Variants in EXOC6B observed in about 807,000 individuals in gnomAD.
EXOC6B encodes the protein exocyst complex component 6B.
EXOC6B carries 54 observed loss-of-function variants against 113.5 expected under a neutral mutation model. That is an observed-to-expected ratio of 0.48 (90% confidence interval 0.38 to 0.60). The LOEUF (loss-of-function observed/expected upper bound fraction) is 0.60, where lower values mean the gene tolerates loss of function less well. Ranked by LOEUF, EXOC6B falls within the 20% of genes least tolerant of loss-of-function variation. EXOC6B has a pLI of 0.00. For missense variants in EXOC6B, 797 were observed against 977.5 expected (o/e 0.82, Z 2.46); for synonymous variants, 357 against 339.0 (o/e 1.05, Z -0.58).
chr2:72,694,549 T>C (rs1271820319), intron 6 of EXOC6B, among the ~76,000 whole-genome samples: 1 of 152,212 alleles, frequency 6.6e-6, no homozygotes, highest in Non-Finnish European at 1.5e-5. Flanking sequence ...ATATTTTTGG[T>C]CCAAGTTAGA....
chr2:72,319,090 A>G (rs1286313685), intron 20 of EXOC6B, among the ~76,000 whole-genome samples: 3 of 151,908 alleles, frequency 2.0e-5, no homozygotes, highest in African/African-American at 7.2e-5. Context: ...AATTCAGATT[A>G]AAAGGCTTTA....
At chr2:72,607,512 A>ATC (rs939199291) in intron 6 of EXOC6B, among the ~76,000 whole-genome samples, 1 of 152,066 alleles carries the variant, frequency 6.6e-6, no homozygotes, top group Non-Finnish European at 1.5e-5. Context: ...GTTTTGGAAA[A>ATC]TCTCTCTCTC....
chr2:72,516,395 G>A (rs529982540), intron 8 of EXOC6B, among the ~76,000 whole-genome samples: 8 of 152,022 alleles, frequency 5.3e-5, no homozygotes, highest in African/African-American at 1.4e-4. Flanking sequence ...CTACAGGTGT[G>A]CGCCACCATG....
chr2:72,607,639 T>C (rs1005513337), intron 6 of EXOC6B, among the ~76,000 whole-genome samples: 3 of 152,158 alleles, frequency 2.0e-5, no homozygotes, highest in Non-Finnish European at 4.4e-5. Context: ...CACTGATCTA[T>C]ACACAGAAAA....
intron 6 of EXOC6B, among the ~76,000 whole-genome samples, chr2:72,631,804 C>T (rs1266549847): frequency 6.6e-6 from 1 of 152,058 alleles, no homozygotes; most frequent in Non-Finnish European, 1.5e-5. Flanking sequence ...ACGCCTGGCC[C>T]ACCCCATCCA....
At chr2:72,643,175 C>T (rs1673397797) in intron 6 of EXOC6B, among the ~76,000 whole-genome samples, 1 of 151,992 alleles carries the variant, frequency 6.6e-6, no homozygotes, top group Non-Finnish European at 1.5e-5. Context: ...GGACTGTAAA[C>T]TAGTTCAACC....
At chr2:72,300,564 G>T (rs928605824) in intron 20 of EXOC6B, among the ~76,000 whole-genome samples, 3 of 152,162 alleles carry the variant, frequency 2.0e-5, no homozygotes, top group Non-Finnish European at 4.4e-5. Flanking sequence ...GGTGCCACTG[G>T]GGTATGGAAA....
At chr2:72,211,149 T>G (rs1573005114) in intron 20 of EXOC6B, among the ~76,000 whole-genome samples, 1 of 152,248 alleles carries the variant, frequency 6.6e-6, no homozygotes, top group Non-Finnish European at 1.5e-5. Flanking sequence ...GTAAGACTCA[T>G]TCCTCAGTGG....
chr2:72,618,269 T>C (rs1400831973), intron 6 of EXOC6B, among the ~76,000 whole-genome samples: 2 of 151,968 alleles, frequency 1.3e-5, no homozygotes, highest in African/African-American at 4.8e-5. Context: ...CTTGGGAGGC[T>C]GAGACAGGAG....
chr2:72,819,633 A>C (rs115387859), intron 1 of EXOC6B, among the ~76,000 whole-genome samples: 2,425 of 152,312 alleles, frequency 0.016, 82 homozygotes, highest in African/African-American at 0.056. Context: ...CAAAACTCAA[A>C]AAATAGAAAT....
At chr2:72,762,126 C>T (rs1382891468) in intron 1 of EXOC6B, among the ~76,000 whole-genome samples, 1 of 151,854 alleles carries the variant, frequency 6.6e-6, no homozygotes, top group African/African-American at 2.4e-5. Flanking sequence ...TGCCTGTAGT[C>T]CCAGCCACTT....
intron 1 of EXOC6B, among the ~76,000 whole-genome samples, chr2:72,745,545 T>C (rs1681641481): frequency 6.6e-6 from 1 of 152,172 alleles, no homozygotes. Context: ...CATAGGTATG[T>C]TTCAGGAAAT....
At chr2:72,617,516 T>TC (rs1202031871) in intron 6 of EXOC6B, among the ~76,000 whole-genome samples, 1 of 134,170 alleles carries the variant, frequency 7.5e-6, no homozygotes, top group African/African-American at 2.6e-5. Flanking sequence ...AAATCTTTTT[T>TC]CTTTTTTTTT....
rs547737269 is a variant in EXOC6B, at chr2:72,657,873, C to T, written c.669+60230G>A. 1.5e-4 allele frequency among the ~76,000 whole-genome samples: 23 copies of T among 151,414 alleles called. 2 individuals are homozygous for T. The highest frequency in any genetic ancestry group is 4.6e-4 in the African/African-American group (19 of 41,400). Reference sequence around the variant, plus strand: ...ACTACTTGACTTTAAAAGCTAATCACATAAAGAATCACAAAAACACACACT... The same window carrying T: ...ACTACTTGACTTTAAAAGCTAATCATATAAAGAATCACAAAAACACACACT... On this transcript the variant is annotated intron_variant, in intron 6 of 21. Coordinates refer to ENST00000272427, the MANE Select transcript of EXOC6B (RefSeq NM_015189.3).
intron 20 of EXOC6B, among the ~76,000 whole-genome samples, chr2:72,301,072 A>G (rs1007796659): frequency 1.3e-5 from 2 of 151,562 alleles, no homozygotes; most frequent in Admixed American, 1.3e-4. Context: ...AATTTTATCA[A>G]AAGCCTTTAC....
chr2:72,528,030 A>G (rs1431853950), intron 8 of EXOC6B, among the ~76,000 whole-genome samples: 2 of 152,010 alleles, frequency 1.3e-5, no homozygotes, highest in Admixed American at 1.3e-4. Flanking sequence ...CTGTAGAGTA[A>G]AAGTGTTTAA....
At chr2:72,432,986 T>C (rs191781568) in intron 18 of EXOC6B, among the ~76,000 whole-genome samples, 2 of 152,354 alleles carry the variant, frequency 1.3e-5, no homozygotes, top group African/African-American at 2.4e-5. Context: ...TCTTTGCCCA[T>C]GCCTATGTGC....
intron 19 of EXOC6B, among the ~76,000 whole-genome samples, chr2:72,344,208 C>T (rs1689185141): frequency 6.6e-6 from 1 of 152,078 alleles, no homozygotes; most frequent in African/African-American, 2.4e-5. Flanking sequence ...TCAAATCTGC[C>T]TTTGAATCCA....
intron 18 of EXOC6B, among the ~76,000 whole-genome samples, chr2:72,400,588 CA>C (rs756800965): frequency 2.1e-3 from 303 of 144,506 alleles, no homozygotes; most frequent in Non-Finnish European, 3.7e-3. Flanking sequence ...TCAAACAAAT[CA>C]ACAAGAAAAA....
Sources: allele counts gnomAD v4.1 joint callset (sites outside exome capture counted in the v4.1 genomes callset), GRCh38; gene constraint gnomAD v4.1.1; transcripts MANE v1.5; gene names NCBI Gene and HGNC (gene_info 2026-07-23, HGNC 2026-07-21).